The following KHDRBS2 variants were observed in gnomAD, a reference collection of about 807,000 sequenced individuals.
KHDRBS2 encodes KH RNA binding domain containing, signal transduction associated 2.
A neutral mutation model predicts 44.3 loss-of-function variants in KHDRBS2; 26 were observed. That is an observed-to-expected ratio of 0.59 (90% CI 0.43 to 0.81). The LOEUF (loss-of-function observed/expected upper bound fraction) is 0.81. KHDRBS2 is among the 40% of genes least tolerant of loss of function. KHDRBS2 has a pLI of 0.00. For synonymous variants in KHDRBS2, 194 were observed against 151.1 expected, an observed-to-expected ratio of 1.28 and a Z score of -2.08; for missense variants, 476 against 433.1, an observed-to-expected ratio of 1.10 and a Z score of -0.88.
chr6:62,054,266 T>G (rs1248404896), intron 2 of KHDRBS2, among the ~76,000 whole-genome samples: 2 of 152,036 alleles, frequency 1.3e-5, no homozygotes. Flanking sequence ...CTTCCACATA[T>G]CAAGATTCAT....
intron 6 of KHDRBS2, among the ~76,000 whole-genome samples, chr6:61,842,769 A>G (rs1255078762): frequency 6.6e-6 from 1 of 152,172 alleles, no homozygotes; most frequent in Non-Finnish European, 1.5e-5. Context: ...CTTGTACACA[A>G]ATGTTCATAA....
At chr6:61,609,418 G>C in the KHDRBS2 span, among the ~76,000 whole-genome samples, 56 of 152,270 alleles carry the variant, frequency 3.7e-4, no homozygotes, top group Non-Finnish European at 7.2e-4. Context: ...TAACTATAAT[G>C]ATGTATAATC....
At chr6:61,893,497 C>T (rs932392115) in intron 6 of KHDRBS2, among the ~76,000 whole-genome samples, 1 of 152,168 alleles carries the variant, frequency 6.6e-6, no homozygotes, top group Admixed American at 6.5e-5. Context: ...TTGGAACCAA[C>T]CCAAATGTCC....
the KHDRBS2 span, among the ~76,000 whole-genome samples, chr6:61,579,104 G>T: frequency 2.0e-5 from 3 of 152,116 alleles, no homozygotes; most frequent in Non-Finnish European, 2.9e-5. Context: ...GTAGGCTCAG[G>T]ATTACCAGTA....
intron 2 of KHDRBS2, among the ~76,000 whole-genome samples, chr6:62,174,372 T>C (rs1820682038): frequency 1.3e-5 from 2 of 151,432 alleles, no homozygotes; most frequent in African/African-American, 4.8e-5. Flanking sequence ...TAATGAGAAT[T>C]ATATATTTAT....
intron 1 of KHDRBS2, among the ~76,000 whole-genome samples, chr6:62,276,413 A>C (rs1840943110): frequency 6.6e-6 from 1 of 152,214 alleles, no homozygotes; most frequent in Non-Finnish European, 1.5e-5. Flanking sequence ...AGAAGAATTC[A>C]GCAAATGTAA....
intron 1 of KHDRBS2, among the ~76,000 whole-genome samples, chr6:62,261,512 T>A (rs1838338272): frequency 2.6e-5 from 4 of 151,882 alleles, no homozygotes; most frequent in Admixed American, 2.6e-4. Context: ...GTGTATATGC[T>A]TTTTCCAATA....
chr6:61,699,840 C>T (rs1666371348), intron 7 of KHDRBS2, among the ~76,000 whole-genome samples: 1 of 151,960 alleles, frequency 6.6e-6, no homozygotes, highest in Non-Finnish European at 1.5e-5. Flanking sequence ...GCTCAGCCCT[C>T]ACTGCCCAAC....
At chr6:61,691,043 G>T (rs1767346019) in intron 8 of KHDRBS2, among the ~76,000 whole-genome samples, 1 of 151,972 alleles carries the variant, frequency 6.6e-6, no homozygotes, top group African/African-American at 2.4e-5. Flanking sequence ...CATCTCCAAA[G>T]GTTGTGATAG....
rs1201694450 is a variant in KHDRBS2, at chr6:61,696,704, T to C, written c.952+491A>G. On this transcript the variant is annotated intron_variant, in intron 8 of 8. Coordinates refer to ENST00000281156, the MANE Select transcript of KHDRBS2 (RefSeq NM_152688.4). ...TTAAGGAATATATTTTTTAAATAAA[T>C]TGATTTTATAGACTGACATCCTTAT... Among the ~76,000 whole-genome samples the C allele has an allele frequency of 2.0e-5, 3 of 152,194 alleles. No homozygotes were observed. The East Asian group carries it at 5.8e-4, about 29-fold the overall frequency.
chr6:61,586,483 C>T, the KHDRBS2 span, among the ~76,000 whole-genome samples: 1 of 152,092 alleles, frequency 6.6e-6, no homozygotes, highest in Admixed American at 6.6e-5. Context: ...TCTAATAATG[C>T]CTGTAATGAC....
chr6:62,251,274 G>A (rs1836483980), intron 1 of KHDRBS2, among the ~76,000 whole-genome samples: 1 of 151,634 alleles, frequency 6.6e-6, no homozygotes, highest in Non-Finnish European at 1.5e-5. Context: ...GATGAACACT[G>A]CCATAAAAAT....
At chr6:62,079,935 C>T (rs1377901773) in intron 2 of KHDRBS2, among the ~76,000 whole-genome samples, 1 of 152,090 alleles carries the variant, frequency 6.6e-6, no homozygotes, top group Admixed American at 6.6e-5. Context: ...CATGGAGGTA[C>T]TGCAAGGCAG....
At chr6:61,910,803 C>T (rs754739471) in intron 4 of KHDRBS2, among the ~76,000 whole-genome samples, 6 of 152,124 alleles carry the variant, frequency 3.9e-5, no homozygotes, top group Non-Finnish European at 8.8e-5. Flanking sequence ...TAATATTAAA[C>T]GACAGATTTG....
At chr6:62,161,574 G>GGGA (rs1554445341) in intron 2 of KHDRBS2, among the ~76,000 whole-genome samples, 2 of 6,098 alleles carry the variant, frequency 3.3e-4, no homozygotes, top group African/African-American at 6.4e-4. Context: ...TGGTATTTGC[G>GGGA]GGGGGGGGGG....
chr6:61,951,805 T>G (rs762813209), intron 4 of KHDRBS2, among the ~76,000 whole-genome samples: 1 of 152,084 alleles, frequency 6.6e-6, no homozygotes, highest in Non-Finnish European at 1.5e-5. Flanking sequence ...CATCAGTGTC[T>G]CCATAAGCAA....
the KHDRBS2 span, among the ~76,000 whole-genome samples, chr6:61,671,289 T>C: frequency 6.6e-6 from 1 of 150,714 alleles, no homozygotes; most frequent in African/African-American, 2.4e-5. Context: ...TGGTGAAGTA[T>C]GAAGCATCGT....
chr6:62,214,976 A>G (rs1188750345), intron 1 of KHDRBS2, among the ~76,000 whole-genome samples: 1 of 147,034 alleles, frequency 6.8e-6, no homozygotes, highest in Non-Finnish European at 1.5e-5. Flanking sequence ...ATACATACAA[A>G]TCAAGACATA....
intron 6 of KHDRBS2, among the ~76,000 whole-genome samples, chr6:61,847,073 C>T (rs922125031): frequency 6.6e-6 from 1 of 151,920 alleles, no homozygotes; most frequent in African/African-American, 2.4e-5. Context: ...TATATTTGAA[C>T]ATTTTATACA....
Sources: gnomAD v4.1 joint callset for allele counts (sites outside exome capture counted in the v4.1 genomes callset) on GRCh38, gnomAD v4.1.1 for gene constraint, MANE v1.5 for transcripts, NCBI Gene and HGNC (gene_info 2026-07-23, HGNC 2026-07-21) for gene names.